The following ZDHHC21 variants were observed in gnomAD, a reference collection of about 807,000 sequenced individuals.
ZDHHC21 encodes palmitoyltransferase ZDHHC21.
ZDHHC21 carries 15 observed loss-of-function variants against 34.6 expected under a neutral mutation model. That is an observed-to-expected ratio of 0.43 (90% CI 0.29 to 0.67). The LOEUF (loss-of-function observed/expected upper bound fraction) is 0.67. Ranked by LOEUF, ZDHHC21 falls within the 30% of genes least tolerant of loss-of-function variation. The probability of loss-of-function intolerance (pLI) is 0.14; values close to 1 mark genes in which losing one functional copy is unlikely to be tolerated. For missense variants in ZDHHC21, 344 were observed against 327.7 expected, an observed-to-expected ratio of 1.05 and a Z score of -0.38; for synonymous variants, 142 against 101.8, an observed-to-expected ratio of 1.40 and a Z score of -2.38.
rs1006789278 is a variant in ZDHHC21 at position 14,617,694 on chromosome 9, A to T, written c.*1272T>A. ...AGCATACTAAATGTCTTTTCATACA[A>T]ATGTTCTATGCCTTGCAAAAGAACA... On this transcript the variant is annotated 3_prime_UTR_variant, in exon 10 of 10. Transcript: ENST00000380916. 1 of 151,966 alleles carries T rather than the reference A, an allele frequency of 6.6e-6. No individual in the cohort carries two copies. Among genetic ancestry groups the T allele is most frequent in the Non-Finnish European group, 1.5e-5 (1 of 67,902 alleles). 9.4% of individuals were successfully genotyped at this position (151,966 alleles called of 1,614,324 possible).
At chr9:14,643,996 T>A (rs536186585) in intron 7 of ZDHHC21, among the ~76,000 whole-genome samples, 20 of 152,322 alleles carry the variant, frequency 1.3e-4, no homozygotes, top group African/African-American at 3.8e-4. Flanking sequence ...TGTATTTGCA[T>A]AAAAATTTTA....
intron 5 of ZDHHC21, among the ~76,000 whole-genome samples, chr9:14,665,115 A>C (rs1386706558): frequency 1.6e-5 from 2 of 123,770 alleles, no homozygotes; most frequent in African/African-American, 6.3e-5. Context: ...ATTTAGAAGA[A>C]TGTATAACTA....
chr9:14,632,312 A>C (rs1827511875), intron 8 of ZDHHC21, among the ~76,000 whole-genome samples: 1 of 152,132 alleles, frequency 6.6e-6, no homozygotes, highest in Non-Finnish European at 1.5e-5. Context: ...TATCTAGTTA[A>C]TTTTCAACAA....
chr9:14,601,551 G>C, the ZDHHC21 span, among the ~76,000 whole-genome samples: 1 of 152,212 alleles, frequency 6.6e-6, no homozygotes, highest in South Asian at 2.1e-4. Flanking sequence ...GCTGGTGGGA[G>C]TGTAAATTAG....
Position 14,613,157 on chromosome 9 carries a change from A to G in ZDHHC21, c.*5809T>C, listed in dbSNP as rs1046969859. The G allele has an allele frequency of 3.3e-5, 5 of 151,956 alleles. No individual in the cohort carries two copies. Among genetic ancestry groups the G allele is most frequent in the Admixed American group, 6.6e-5 (1 of 15,218 alleles). 9.4% of individuals were successfully genotyped at this position (151,956 alleles called of 1,614,324 possible). A position where few individuals can be genotyped will look rare whatever the true frequency, so the allele number is the denominator to read the frequency against. On this transcript the variant is annotated 3_prime_UTR_variant, in exon 10 of 10. Transcript: ENST00000380916. ...GCCTACCTAAAAAAAAATCCAAATG[A>G]GAAACATTTAAAATCCATTAAATTG...
At chr9:14,684,199 C>T (rs1279857892) in intron 2 of ZDHHC21, among the ~76,000 whole-genome samples, 1 of 150,912 alleles carries the variant, frequency 6.6e-6, no homozygotes, top group Non-Finnish European at 1.5e-5. Context: ...AAGTTCTGGC[C>T]AGGGCAATTA....
In ZDHHC21 at chr9:14,612,165, T is replaced by A. The variant is rs1823409757; in HGVS notation, c.*6801A>T. On this transcript the variant is annotated 3_prime_UTR_variant, in exon 10 of 10. Transcript: ENST00000380916. ...ATATGTTCATCTAGATTTCTACATA[T>A]CGTTCAAATGATCTGAAGCCACATT... The A allele has an allele frequency of 6.6e-6, 1 of 152,070 alleles. No homozygotes were observed. The highest frequency in any genetic ancestry group is 2.4e-5 in the African/African-American group (1 of 41,452). The allele number at this position is 152,070 out of a possible 1,614,324, so 9.4% of individuals were successfully genotyped here.
At chr9:14,655,868 T>TC (rs1832111517) in intron 7 of ZDHHC21, among the ~76,000 whole-genome samples, 1 of 16,332 alleles carries the variant, frequency 6.1e-5, no homozygotes, top group Non-Finnish European at 1.6e-4. Flanking sequence ...GATAATTTTT[T>TC]AATGAAATAT....
chr9:14,597,187 C>T, the ZDHHC21 span, among the ~76,000 whole-genome samples: 1 of 152,110 alleles, frequency 6.6e-6, no homozygotes, highest in Non-Finnish European at 1.5e-5. Flanking sequence ...GCAACTATAG[C>T]ATGGTGCCAT....
intron 7 of ZDHHC21, among the ~76,000 whole-genome samples, chr9:14,648,653 G>C (rs1287784374): frequency 6.6e-6 from 1 of 152,006 alleles, no homozygotes; most frequent in Non-Finnish European, 1.5e-5. Flanking sequence ...CCATATATTT[G>C]TTTATTGCCT....
At chr9:14,661,199 C>T (rs548072074) in intron 6 of ZDHHC21, among the ~76,000 whole-genome samples, 4 of 152,196 alleles carry the variant, frequency 2.6e-5, no homozygotes, top group South Asian at 4.1e-4. Context: ...TTTCCTATTT[C>T]AGGAAATTAT....
At chr9:14,646,343 C>T (rs1224167210) in intron 7 of ZDHHC21, among the ~76,000 whole-genome samples, 3 of 151,834 alleles carry the variant, frequency 2.0e-5, no homozygotes, top group African/African-American at 7.3e-5. Context: ...TCACATTTTA[C>T]AATATAAAAG....
chr9:14,608,635 T>C (rs1243132761), downstream of ZDHHC21, among the ~76,000 whole-genome samples: 1 of 152,090 alleles, frequency 6.6e-6, no homozygotes, highest in Non-Finnish European at 1.5e-5. Flanking sequence ...CTGATACAAA[T>C]ATTTTTTTAA....
At chr9:14,639,790 G>A in intron 8 of ZDHHC21, 106 bp downstream of exon 8, 1 of 587,786 alleles carries the variant, frequency 1.7e-6, no homozygotes, top group Non-Finnish European at 2.8e-6. Flanking sequence ...AAAAAGCATG[G>A]GTAATTTTCT....
In ZDHHC21 at chr9:14,639,879, A is replaced by C; in HGVS notation, c.621+17T>G. ...AATATATTCATAAATGTTACTTTAC[A>C]TTAAAAATATACTTACTGTGATGAT... On this transcript the variant is annotated intron_variant, in intron 8 of 9. Transcript: ENST00000380916. 2.2e-6 allele frequency: 3 copies of C among 1,378,178 alleles called. No homozygotes were observed. The highest frequency in any genetic ancestry group is 3.0e-6 in the Non-Finnish European group (3 of 997,716). 85.4% of individuals were successfully genotyped at this position (1,378,178 alleles called of 1,614,324 possible). A position where few individuals can be genotyped will look rare whatever the true frequency, so the allele number is the denominator to read the frequency against.
At chr9:14,640,239 T>A (rs766090822) in intron 7 of ZDHHC21, among the ~76,000 whole-genome samples, 1 of 149,786 alleles carries the variant, frequency 6.7e-6, no homozygotes, top group Non-Finnish European at 1.5e-5. Context: ...AGTTTACTAC[T>A]CTACTGCATC....
intron 7 of ZDHHC21, among the ~76,000 whole-genome samples, chr9:14,654,301 T>G (rs1196477013): frequency 6.6e-6 from 1 of 152,044 alleles, no homozygotes; most frequent in Non-Finnish European, 1.5e-5. Context: ...TTCCAAAAAC[T>G]GCTATATTAA....
At position 14,613,254 on chromosome 9, in the gene ZDHHC21, A is replaced by T. The variant is rs1823620057; in HGVS notation, c.*5712T>A. ...AGTAACATTAAATTCTACTTTATAAATACACAACGATGTGAGAAGAAAACT... is the reference window on the plus strand; with the variant it reads ...AGTAACATTAAATTCTACTTTATAATTACACAACGATGTGAGAAGAAAACT... On this transcript the variant is annotated 3_prime_UTR_variant, in exon 10 of 10. Coordinates refer to ENST00000380916, the MANE Select transcript of ZDHHC21 (RefSeq NM_178566.6). 1 of 151,902 alleles carries T rather than the reference A, an allele frequency of 6.6e-6. No individual in the cohort carries two copies. Among genetic ancestry groups the T allele is most frequent in the Non-Finnish European group, 1.5e-5 (1 of 67,852 alleles). 9.4% of individuals were successfully genotyped at this position (151,902 alleles called of 1,614,324 possible).
At chr9:14,680,911 T>C (rs183464867) in intron 2 of ZDHHC21, among the ~76,000 whole-genome samples, 112 of 152,216 alleles carry the variant, frequency 7.4e-4, no homozygotes, top group Middle Eastern at 6.8e-3. Context: ...TTATGGTAAA[T>C]AGCCATCAGG....
Sources: gnomAD v4.1 joint callset for allele counts (sites outside exome capture counted in the v4.1 genomes callset) on GRCh38, gnomAD v4.1.1 for gene constraint, MANE v1.5 for transcripts, NCBI Gene and HGNC (gene_info 2026-07-23, HGNC 2026-07-21) for gene names.